The following PIP5K1A variants were observed in gnomAD, a reference collection of about 807,000 sequenced individuals.
PIP5K1A encodes the protein phosphatidylinositol 4-phosphate 5-kinase type-1 alpha.
Under a neutral mutation model 72.9 loss-of-function variants are expected in PIP5K1A, and 46 were observed. The observed-to-expected ratio is 0.63, with a 90% confidence interval of 0.50 to 0.81. PIP5K1A has a LOEUF of 0.81. Ranked by LOEUF, PIP5K1A falls within the 30% of genes least tolerant of loss-of-function variation. PIP5K1A has a pLI of 0.00. For synonymous variants in PIP5K1A, 228 were observed against 255.1 expected (o/e 0.89, Z 1.01); for missense variants, 458 against 706.1 (o/e 0.65, Z 3.98).
chr1:151,229,495 G>A (rs587767978), intron 4 of PIP5K1A, among the ~76,000 whole-genome samples: 1 of 151,476 alleles, frequency 6.6e-6, no homozygotes, highest in Non-Finnish European at 1.5e-5. Context: ...CCAAGTAGCT[G>A]GGATTACAGG....
chr1:151,207,785 C>A (rs1287925387), intron 1 of PIP5K1A, among the ~76,000 whole-genome samples: 1 of 151,792 alleles, frequency 6.6e-6, no homozygotes, highest in Non-Finnish European at 1.5e-5. Context: ...CTGCATCGGC[C>A]TCCCAAAGTG....
chr1:151,223,902 C>G (rs1688747785), intron 1 of PIP5K1A: 1 of 255,388 alleles, frequency 3.9e-6, no homozygotes, highest in East Asian at 8.8e-5. Context: ...GCAGGAGAAT[C>G]ACTTGCAGTG....
In PIP5K1A at chr1:151,246,980, T is replaced by C; in HGVS notation, c.1686+15T>C. ...AGTTCACCCATGTGAGTATCTGGGA[T>C]GTGTGGGAGGTGAACGTTTTGCAAG... On this transcript the variant is annotated intron_variant, in intron 15 of 15. Transcript: ENST00000368888. 6.2e-7 allele frequency: 1 copy of C among 1,609,318 alleles called. No homozygotes were observed. Among genetic ancestry groups the C allele is most frequent in the South Asian group, 1.1e-5 (1 of 90,914 alleles).
intron 1 of PIP5K1A, among the ~76,000 whole-genome samples, chr1:151,214,346 T>G (rs1296909369): frequency 6.6e-6 from 1 of 152,136 alleles, no homozygotes; most frequent in African/African-American, 2.4e-5. Flanking sequence ...TAAGGCTTTT[T>G]GCTTTGTTTT....
intron 1 of PIP5K1A, among the ~76,000 whole-genome samples, chr1:151,203,015 C>T (rs964809832): frequency 5.9e-5 from 9 of 152,026 alleles, no homozygotes; most frequent in Non-Finnish European, 1.2e-4. Context: ...GTGATCCTCT[C>T]GCCTCAGCCT....
chr1:151,227,212 A>T, intron 3 of PIP5K1A, 108 bp from the exon 4 acceptor site: 1 of 669,138 alleles, frequency 1.5e-6, no homozygotes, highest in Non-Finnish European at 2.6e-6. Flanking sequence ...AATGTTTTTA[A>T]TCTAGAAAGA....
At chr1:151,231,914 C>A in intron 5 of PIP5K1A, 113 bp downstream of exon 5, 1 of 977,032 alleles carries the variant, frequency 1.0e-6, no homozygotes, top group Non-Finnish European at 1.6e-6. Context: ...CATTTCTTAA[C>A]CTGGTTACAA....
chr1:151,248,246 G>A lies in PIP5K1A; in HGVS notation c.*381G>A, dbSNP rs1692776729. 3.3e-6 allele frequency: 1 copy of A among 299,798 alleles called. No homozygotes were observed. Among genetic ancestry groups the A allele is most frequent in the Non-Finnish European group, 6.4e-6 (1 of 157,096 alleles). The allele number at this position is 299,798 out of a possible 1,614,324, so 18.6% of individuals were successfully genotyped here. On this transcript the variant is annotated 3_prime_UTR_variant, in exon 16 of 16. Transcript: ENST00000368888. ...TCCCCTCGTCTTTGACTAGGAACCGGACTCTTAATTTCCTCAGGACAGACT... is the reference window on the plus strand; with the variant it reads ...TCCCCTCGTCTTTGACTAGGAACCGAACTCTTAATTTCCTCAGGACAGACT...
At chr1:151,203,469 C>T (rs1685485703) in intron 1 of PIP5K1A, among the ~76,000 whole-genome samples, 1 of 147,896 alleles carries the variant, frequency 6.8e-6, no homozygotes, top group East Asian at 2.0e-4. Flanking sequence ...ACAGAGGTTG[C>T]AATGAGTCAA....
Position 151,228,848 on chromosome 1 carries a change from C to G in PIP5K1A, c.237+1448C>G, listed in dbSNP as rs150443936. 9.0e-3 allele frequency among the ~76,000 whole-genome samples: 1,366 copies of G among 152,068 alleles called. 26 individuals carry two copies. The highest frequency in any genetic ancestry group is 0.041 in the Middle Eastern group (12 of 292). ...GACCTGACAGTCCCCAGAATGGACT[C>G]TGTGGCTCATGTCAATTACTTTTAC... On this transcript the variant is annotated intron_variant, in intron 4 of 15. Transcript: ENST00000368888.
intron 3 of PIP5K1A, among the ~76,000 whole-genome samples, chr1:151,226,034 C>T (rs1166274891): frequency 1.3e-5 from 2 of 151,172 alleles, no homozygotes; most frequent in Admixed American, 6.6e-5. Context: ...CCCACTTGGC[C>T]TTCTGAGTAG....
At chr1:151,244,879 TC>T (rs1032969226) in intron 14 of PIP5K1A, among the ~76,000 whole-genome samples, 3 of 152,070 alleles carry the variant, frequency 2.0e-5, no homozygotes, top group African/African-American at 7.2e-5. Flanking sequence ...ATGTTTGCCT[TC>T]ATCTTTAGAC....
Position 151,236,864 on chromosome 1 carries a change from GGCTGATGT to G in PIP5K1A, c.1145+112_1145+119del, listed in dbSNP as rs1039678601. 2.0e-5 allele frequency: 16 copies of G among 783,988 alleles called. No individual in the cohort carries two copies. In the African/African-American group the frequency reaches 3.1e-4, roughly 15 times the overall value. 48.6% of individuals were successfully genotyped at this position (783,988 alleles called of 1,614,324 possible). A position where few individuals can be genotyped will look rare whatever the true frequency, so the allele number is the denominator to read the frequency against. On this transcript the variant is annotated intron_variant, in intron 9 of 15. Coordinates refer to ENST00000368888, the MANE Select transcript of PIP5K1A (RefSeq NM_001135638.2). ...TTTTTAGTTTCACTCTTGTTGCCCA[GGCTGATGT>G]GCTGATGTGCAATGGCACGATCTCA... is the stretch of plus-strand genomic sequence containing the variant.
chr1:151,240,694 A>C (rs1470177610), intron 12 of PIP5K1A, among the ~76,000 whole-genome samples: 1 of 152,028 alleles, frequency 6.6e-6, no homozygotes, highest in Non-Finnish European at 1.5e-5. Context: ...TTGGGAGACC[A>C]AGGCAGGAGG....
intron 1 of PIP5K1A, among the ~76,000 whole-genome samples, chr1:151,205,243 T>C (rs2101926821): frequency 6.6e-6 from 1 of 152,278 alleles, no homozygotes; most frequent in South Asian, 2.1e-4. Context: ...TGGTGCGATC[T>C]TGGCTCACTG....
chr1:151,205,842 TTTC>T (rs1253701771), intron 1 of PIP5K1A, among the ~76,000 whole-genome samples: 2 of 152,100 alleles, frequency 1.3e-5, no homozygotes, highest in African/African-American at 2.4e-5. Flanking sequence ...TTTATTTTTC[TTTC>T]TTCTTTTTAC....
intron 9 of PIP5K1A, 80 bp downstream of exon 9, chr1:151,236,843 T>TC: frequency 2.1e-6 from 2 of 936,050 alleles, no homozygotes; most frequent in Non-Finnish European, 1.6e-6. Context: ...TTTTTTTTTT[T>TC]AGTTTCACTC....
chr1:151,217,760 CT>C (rs1687847868), intron 1 of PIP5K1A, among the ~76,000 whole-genome samples: 1 of 151,520 alleles, frequency 6.6e-6, no homozygotes, highest in African/African-American at 2.4e-5. Flanking sequence ...TTTTCTTTCT[CT>C]TTTTCTTTTC....
chr1:151,236,817 T>TTTTA, intron 9 of PIP5K1A, 54 bp downstream of exon 9: 35 of 1,010,950 alleles, frequency 3.5e-5, no homozygotes, highest in Non-Finnish European at 4.5e-5. Flanking sequence ...AGCACTTTTC[T>TTTTA]TTTCTTTTTT....
Sources: gnomAD v4.1 joint callset for allele counts (sites outside exome capture counted in the v4.1 genomes callset) on GRCh38, gnomAD v4.1.1 for gene constraint, MANE v1.5 for transcripts, NCBI Gene and HGNC (gene_info 2026-07-23, HGNC 2026-07-21) for gene names.